The following APBB1IP variants were observed in gnomAD, a reference collection of about 807,000 sequenced individuals.
The protein encoded by APBB1IP is amyloid beta precursor protein binding family B member 1 interacting protein, also known as amyloid beta A4 precursor protein-binding family B member 1-interacting protein.
A neutral mutation model predicts 64.9 loss-of-function variants in APBB1IP; 27 were observed. That is an observed-to-expected ratio of 0.42 (90% CI 0.31 to 0.57). The LOEUF is 0.57. Ranked by LOEUF, APBB1IP falls within the 20% of genes least tolerant of loss-of-function variation. APBB1IP has a pLI of 0.20. For synonymous variants in APBB1IP, 392 were observed against 331.0 expected, an observed-to-expected ratio of 1.18 and a Z score of -2.00; for missense variants, 812 against 845.5, an observed-to-expected ratio of 0.96 and a Z score of 0.49.
chr10:26,457,480 G>A (rs977466161), intron 2 of APBB1IP, among the ~76,000 whole-genome samples: 3 of 152,074 alleles, frequency 2.0e-5, no homozygotes, highest in East Asian at 1.9e-4. Context: ...ACATCCAGTC[G>A]CAGCCTCACT....
chr10:26,445,669 T>G (rs1280555887), intron 2 of APBB1IP, among the ~76,000 whole-genome samples: 1 of 152,196 alleles, frequency 6.6e-6, no homozygotes, highest in Non-Finnish European at 1.5e-5. Context: ...CACAAAGAAG[T>G]TTTTTGTGCC....
intron 2 of APBB1IP, among the ~76,000 whole-genome samples, chr10:26,458,205 C>A (rs571524826): frequency 6.6e-6 from 1 of 152,234 alleles, no homozygotes; most frequent in South Asian, 2.1e-4. Context: ...TGGACCAACA[C>A]GGTGAAACCG....
chr10:26,503,226 T>C lies in APBB1IP; in HGVS notation c.483T>C (p.Asp161=), dbSNP rs747115059. The change falls in exon 6 of 15, where the codon GAT becomes GAC. Residue 161 remains aspartate, a synonymous_variant. Coordinates refer to ENST00000376236, the MANE Select transcript of APBB1IP (RefSeq NM_019043.4). ...AGGAAGAAGCCCAAGCCAAGGCTGA[T>C]AAAATTAAGCTGGCGCTGGAAAAAC... ...QEEEEAQAKA[D]KIKLALEKLK... is the part of the protein sequence containing the mutation. The C allele has an allele frequency of 1.9e-6, 3 of 1,613,984 alleles. No homozygotes were observed. The highest frequency in any genetic ancestry group is 2.5e-6 in the Non-Finnish European group (3 of 1,179,994).
chr10:26,515,151 G>C (rs370205499), intron 8 of APBB1IP, among the ~76,000 whole-genome samples: 8 of 152,108 alleles, frequency 5.3e-5, no homozygotes, highest in South Asian at 2.1e-4. Context: ...AAAGTGCTGG[G>C]ATTCCAGGTG....
At chr10:26,536,648 G>A (rs1378799187) in intron 10 of APBB1IP, among the ~76,000 whole-genome samples, 1 of 149,052 alleles carries the variant, frequency 6.7e-6, no homozygotes, top group East Asian at 2.0e-4. Context: ...CTGGGGTACA[G>A]TGGCATGATC....
intron 8 of APBB1IP, among the ~76,000 whole-genome samples, chr10:26,520,554 A>G (rs1836390615): frequency 6.6e-6 from 1 of 152,230 alleles, no homozygotes; most frequent in South Asian, 2.1e-4. Context: ...GAGAGGCAAG[A>G]AAGTGAATGC....
chr10:26,453,256 G>T (rs1589190615), intron 2 of APBB1IP, among the ~76,000 whole-genome samples: 1 of 152,318 alleles, frequency 6.6e-6, no homozygotes, highest in African/African-American at 2.4e-5. Flanking sequence ...AAATGGCACA[G>T]AGGTAATGGC....
At position 26,513,555 on chromosome 10, in the gene APBB1IP, CCAT is replaced by C; in HGVS notation, c.709_711del (p.His237del). The stretch of plus-strand genomic sequence containing the variant: ...TTTCATCAGAGAGGTTTTTTGAAGA[CCAT>C]GAAAATGTTGTTGAAGTCTTATCAG... On this transcript the variant is annotated inframe_deletion, in exon 8 of 15. Transcript: ENST00000376236. 1 of 1,610,694 alleles carries C rather than the reference CCAT, an allele frequency of 6.2e-7. No individual in the cohort carries two copies. The highest frequency in any genetic ancestry group is 8.5e-7 in the Non-Finnish European group (1 of 1,179,188).
intron 11 of APBB1IP, among the ~76,000 whole-genome samples, chr10:26,543,402 G>A (rs972501299): frequency 6.6e-6 from 1 of 151,362 alleles, no homozygotes; most frequent in African/African-American, 2.4e-5. Flanking sequence ...GGGAGGCGGA[G>A]GTTGCAGTGA....
intron 11 of APBB1IP, among the ~76,000 whole-genome samples, chr10:26,556,212 GA>G (rs1836893071): frequency 6.6e-6 from 1 of 152,174 alleles, no homozygotes; most frequent in South Asian, 2.1e-4. Context: ...GCATTTTCCT[GA>G]AACCTCTTTG....
chr10:26,518,683 G>T (rs1207842296), intron 8 of APBB1IP, among the ~76,000 whole-genome samples: 1 of 152,170 alleles, frequency 6.6e-6, no homozygotes, highest in Non-Finnish European at 1.5e-5. Flanking sequence ...GTAGCATCTT[G>T]TCAAATGTTT....
intron 2 of APBB1IP, among the ~76,000 whole-genome samples, chr10:26,474,385 T>C (rs911056547): frequency 3.9e-5 from 6 of 152,194 alleles, no homozygotes; most frequent in African/African-American, 1.2e-4. Context: ...CTCCTGGAAG[T>C]TAAAAAGCCA....
At chr10:26,469,260 T>TTTTC (rs1835686868) in intron 2 of APBB1IP, among the ~76,000 whole-genome samples, 1 of 57,364 alleles carries the variant, frequency 1.7e-5, no homozygotes, top group Admixed American at 2.2e-4. Context: ...TTTCTTTTCT[T>TTTTC]TTTTTTTTTT....
At chr10:26,499,402 T>C in intron 4 of APBB1IP, among the ~76,000 whole-genome samples, 1 of 152,166 alleles carries the variant, frequency 6.6e-6, no homozygotes, top group East Asian at 1.9e-4. Flanking sequence ...CAAACTTTAG[T>C]CCAAGTACTG....
intron 2 of APBB1IP, among the ~76,000 whole-genome samples, chr10:26,440,239 A>T (rs1429257722): frequency 6.6e-6 from 1 of 152,174 alleles, no homozygotes; most frequent in Non-Finnish European, 1.5e-5. Flanking sequence ...TTCTCCCTGG[A>T]CTTCAGATAA....
chr10:26,524,999 GAAAA>G (rs1045497660), intron 8 of APBB1IP, among the ~76,000 whole-genome samples: 1 of 109,746 alleles, frequency 9.1e-6, no homozygotes, highest in African/African-American at 3.4e-5. Context: ...CCTGGCAAGA[GAAAA>G]AAAAGTCAGG....
intron 2 of APBB1IP, among the ~76,000 whole-genome samples, chr10:26,477,229 G>T (rs1835786555): frequency 6.6e-6 from 1 of 152,202 alleles, no homozygotes; most frequent in Non-Finnish European, 1.5e-5. Flanking sequence ...TCAGGGGATT[G>T]CATCAGTGGG....
intron 11 of APBB1IP, among the ~76,000 whole-genome samples, chr10:26,543,982 T>C (rs1836729761): frequency 6.6e-6 from 1 of 152,146 alleles, no homozygotes; most frequent in African/African-American, 2.4e-5. Context: ...ATAAGAATAA[T>C]GGCAAGCACT....
At chr10:26,460,821 T>A (rs1296987419) in intron 2 of APBB1IP, among the ~76,000 whole-genome samples, 1 of 152,000 alleles carries the variant, frequency 6.6e-6, no homozygotes, top group South Asian at 2.1e-4. Context: ...GGGGAGAGCA[T>A]CAGGAAGAAT....
Sources: gnomAD v4.1 joint callset for allele counts (sites outside exome capture counted in the v4.1 genomes callset) on GRCh38, gnomAD v4.1.1 for gene constraint, MANE v1.5 for transcripts, NCBI Gene and HGNC (gene_info 2026-07-23, HGNC 2026-07-21) for gene names.